Variants in PDE8A observed in about 807,000 individuals in gnomAD.
PDE8A encodes the protein phosphodiesterase 8A.
Under a neutral mutation model 105.0 loss-of-function variants are expected in PDE8A, and 59 were observed. That is an observed-to-expected ratio of 0.56 (90% CI 0.46 to 0.70). The LOEUF (loss-of-function observed/expected upper bound fraction) is 0.70. PDE8A is among the 30% of genes least tolerant of loss of function. The probability of loss-of-function intolerance (pLI) is 0.00; values close to 1 mark genes in which losing one functional copy is unlikely to be tolerated. For synonymous variants in PDE8A, 355 were observed against 371.9 expected, an observed-to-expected ratio of 0.95 and a Z score of 0.52; for missense variants, 1,014 against 1,045.9, an observed-to-expected ratio of 0.97 and a Z score of 0.42.
intron 1 of PDE8A, among the ~76,000 whole-genome samples, chr15:85,018,277 C>T (rs2080362274): frequency 6.6e-6 from 1 of 152,154 alleles, no homozygotes; most frequent in Non-Finnish European, 1.5e-5. Flanking sequence ...TAAACTGTTT[C>T]TTACTGTTTC....
At chr15:84,985,710 C>T (rs1398653939) in intron 1 of PDE8A, among the ~76,000 whole-genome samples, 7 of 152,096 alleles carry the variant, frequency 4.6e-5, no homozygotes, top group Non-Finnish European at 1.0e-4. Context: ...GTAGGCCTTC[C>T]GTAAACGTAT....
chr15:85,033,330 T>C (rs1022422666), intron 1 of PDE8A, among the ~76,000 whole-genome samples: 11 of 152,024 alleles, frequency 7.2e-5, no homozygotes, highest in African/African-American at 1.9e-4. Context: ...AGAGGCTGGA[T>C]TGAATGAGGA....
Position 85,039,354 on chromosome 15 carries a change from G to A in PDE8A, c.187-25016G>A, listed in dbSNP as rs548092416. ...TGAGGTGGGAGGATTGCTTGAGCCC[G>A]GGAGGTTGAGACTGCAGTGAGCTGT... On this transcript the variant is annotated intron_variant, in intron 1 of 21. Transcript: ENST00000394553. Among the ~76,000 whole-genome samples the A allele has an allele frequency of 1.8e-3, 266 of 151,950 alleles. 1 individual carries two copies. Among genetic ancestry groups the A allele is most frequent in the African/African-American group, 6.1e-3 (252 of 41,438 alleles).
At chr15:85,081,280 G>T (rs2081462352) in intron 5 of PDE8A, among the ~76,000 whole-genome samples, 1 of 152,176 alleles carries the variant, frequency 6.6e-6, no homozygotes, top group African/African-American at 2.4e-5. Flanking sequence ...TTCCTCAATT[G>T]GATTTGGCCA....
chr15:85,066,733 G>T (rs1420380843), intron 2 of PDE8A, among the ~76,000 whole-genome samples: 3 of 152,134 alleles, frequency 2.0e-5, no homozygotes, highest in South Asian at 4.2e-4. Context: ...GAAGCCAGGA[G>T]TTCGAAATCA....
chr15:85,113,739 C>G (rs1342809908), intron 13 of PDE8A, 134 bp from the exon 14 acceptor site: 7 of 705,370 alleles, frequency 9.9e-6, no homozygotes, highest in Non-Finnish European at 1.7e-5. Flanking sequence ...AGGCTAGTCT[C>G]AAACTCCTGG....
intron 5 of PDE8A, among the ~76,000 whole-genome samples, chr15:85,081,722 A>G (rs2141497515): frequency 6.6e-6 from 1 of 152,314 alleles, no homozygotes; most frequent in African/African-American, 2.4e-5. Flanking sequence ...ATGTTTAGAT[A>G]AAGAGAACAG....
intron 16 of PDE8A, chr15:85,116,355 G>A: frequency 2.0e-6 from 1 of 512,030 alleles, no homozygotes; most frequent in Non-Finnish European, 3.5e-6. Context: ...ACTTCTCCAA[G>A]TAGCACAGGA....
chr15:85,083,075 T>C (rs1477196128), intron 5 of PDE8A, among the ~76,000 whole-genome samples: 1 of 152,264 alleles, frequency 6.6e-6, no homozygotes, highest in Non-Finnish European at 1.5e-5. Flanking sequence ...GTTGCCCATG[T>C]TGGGGTTCCC....
At chr15:85,079,020 G>T (rs755031064) in intron 5 of PDE8A, among the ~76,000 whole-genome samples, 5 of 152,118 alleles carry the variant, frequency 3.3e-5, no homozygotes, top group Non-Finnish European at 7.4e-5. Context: ...ATTTGAAGAG[G>T]AGAGGAGGGA....
chr15:85,099,092 T>C (rs1596517798), intron 9 of PDE8A, among the ~76,000 whole-genome samples: 1 of 152,250 alleles, frequency 6.6e-6, no homozygotes, highest in Non-Finnish European at 1.5e-5. Flanking sequence ...GGAGAAAGTA[T>C]GGCAGTGGCC....
Position 85,113,465 on chromosome 15 carries a change from C to G in PDE8A, c.1185+18C>G. The G allele has an allele frequency of 1.2e-6, 2 of 1,602,862 alleles. No homozygotes were observed. Among genetic ancestry groups the G allele is most frequent in the Non-Finnish European group, 1.7e-6 (2 of 1,169,648 alleles). ...TCACCAAGGTGAAGCAGTTTGTGGT[C>G]TGTCTCCATTGAGCACACATACTCC... On this transcript the variant is annotated intron_variant, in intron 13 of 21. Coordinates refer to ENST00000394553, the MANE Select transcript of PDE8A (RefSeq NM_002605.3).
At chr15:84,990,576 A>G (rs1381013268) in intron 1 of PDE8A, among the ~76,000 whole-genome samples, 1 of 152,172 alleles carries the variant, frequency 6.6e-6, no homozygotes. Flanking sequence ...TCTTTTTTCT[A>G]ATTAAAGTAG....
chr15:85,039,121 CAAGAAAA>C (rs1386163414), intron 1 of PDE8A, among the ~76,000 whole-genome samples: 2 of 68,850 alleles, frequency 2.9e-5, no homozygotes, highest in Non-Finnish European at 6.1e-5. Context: ...AACTCCATCT[CAAGAAAA>C]AAAAAAAAAA....
chr15:85,022,536 C>CA (rs2080444944), intron 1 of PDE8A, among the ~76,000 whole-genome samples: 1 of 95,276 alleles, frequency 1.0e-5, no homozygotes, highest in African/African-American at 4.5e-5. Context: ...CATATATATG[C>CA]AAAATTTTTT....
intron 1 of PDE8A, among the ~76,000 whole-genome samples, chr15:85,007,203 A>T (rs1169038165): frequency 6.6e-6 from 1 of 152,074 alleles, no homozygotes; most frequent in African/African-American, 2.4e-5. Flanking sequence ...AACAGATGAT[A>T]TAGGGCCAGG....
At chr15:85,104,488 A>G (rs1347400625) in intron 11 of PDE8A, among the ~76,000 whole-genome samples, 2 of 152,020 alleles carry the variant, frequency 1.3e-5, no homozygotes, top group African/African-American at 2.4e-5. Context: ...AGTCATGGAG[A>G]AAAGAGATTG....
chr15:85,137,699 C>T, intron 21 of PDE8A, 98 bp from the exon 22 acceptor site: 1 of 770,096 alleles, frequency 1.3e-6, no homozygotes, highest in Non-Finnish European at 2.2e-6. Context: ...CACGCAGATG[C>T]CTGCTCCCAT....
chr15:85,046,049 ATTC>A (rs1567247235), intron 1 of PDE8A, among the ~76,000 whole-genome samples: 1 of 148,442 alleles, frequency 6.7e-6, no homozygotes, highest in Non-Finnish European at 1.5e-5. Context: ...TCTTCGTAAG[ATTC>A]TTCTTTCTGT....
Sources: allele counts gnomAD v4.1 joint callset (sites outside exome capture counted in the v4.1 genomes callset), GRCh38; gene constraint gnomAD v4.1.1; transcripts MANE v1.5; gene names NCBI Gene and HGNC (gene_info 2026-07-23, HGNC 2026-07-21).